WWOX: variants seen among roughly 807,000 people sequenced by gnomAD.
WWOX encodes the protein WW domain containing oxidoreductase.
WWOX carries 69 observed loss-of-function variants against 46.2 expected under a neutral mutation model. The ratio of observed to expected loss-of-function variants is 1.49; its 90% CI spans 1.23 to 1.82. The LOEUF is 1.82. Among genes scored for constraint, WWOX ranks in the 40% most tolerant of loss-of-function variants. WWOX has a pLI of 0.00. For synonymous variants in WWOX, 359 were observed against 202.6 expected, an observed-to-expected ratio of 1.77 and a Z score of -6.56; for missense variants, 919 against 542.6, an observed-to-expected ratio of 1.69 and a Z score of -6.89.
intron 5 of WWOX, among the ~76,000 whole-genome samples, chr16:78,238,393 G>A (rs1230420631): frequency 2.0e-5 from 3 of 150,758 alleles, no homozygotes; most frequent in Admixed American, 6.6e-5. Context: ...TCGACCTCCC[G>A]GGCTCAGGCG....
chr16:78,405,758 A>T (rs1009859580), intron 6 of WWOX, among the ~76,000 whole-genome samples: 2 of 152,118 alleles, frequency 1.3e-5, no homozygotes, highest in Admixed American at 6.5e-5. Context: ...ATTTTCTCTA[A>T]TTCTTGTGGC....
At chr16:78,566,773 T>G (rs1218628287) in intron 8 of WWOX, among the ~76,000 whole-genome samples, 1 of 152,164 alleles carries the variant, frequency 6.6e-6, no homozygotes, top group Admixed American at 6.5e-5. Context: ...AGATGTGCAA[T>G]AAACTGAGCA....
intron 8 of WWOX, among the ~76,000 whole-genome samples, chr16:78,664,034 T>A (rs1430077220): frequency 2.0e-5 from 3 of 152,098 alleles, no homozygotes; most frequent in East Asian, 3.9e-4. Context: ...ACAGGTGACA[T>A]AATTTGAATC....
intron 8 of WWOX, among the ~76,000 whole-genome samples, chr16:78,977,540 T>TC (rs1202346552): frequency 6.6e-6 from 1 of 152,150 alleles, no homozygotes; most frequent in Non-Finnish European, 1.5e-5. Context: ...TGTGTCCTTG[T>TC]CTGGGGGAGT....
intron 8 of WWOX, among the ~76,000 whole-genome samples, chr16:78,931,423 A>G (rs972687520): frequency 6.6e-6 from 1 of 152,262 alleles, no homozygotes; most frequent in Non-Finnish European, 1.5e-5. Context: ...AGTCCTCAGC[A>G]CATAAAAGTT....
At chr16:78,870,527 A>G (rs2044103931) in intron 8 of WWOX, among the ~76,000 whole-genome samples, 2 of 151,686 alleles carry the variant, frequency 1.3e-5, no homozygotes, top group African/African-American at 4.8e-5. Flanking sequence ...AAAAACCCTT[A>G]CTGATCTTTT....
chr16:78,706,057 G>GTTT (rs1567504407), intron 8 of WWOX, among the ~76,000 whole-genome samples: 1 of 32,218 alleles, frequency 3.1e-5, no homozygotes. Flanking sequence ...AGTTATGGCA[G>GTTT]GTTTTTTTTT....
At chr16:79,090,536 A>G (rs2048938842) in intron 8 of WWOX, among the ~76,000 whole-genome samples, 2 of 152,256 alleles carry the variant, frequency 1.3e-5, no homozygotes, top group East Asian at 1.9e-4. Flanking sequence ...GCAAGCAAGG[A>G]TAAGTGCTGT....
At chr16:78,825,571 C>T (rs969189550) in intron 8 of WWOX, 2 of 533,450 alleles carry the variant, frequency 3.7e-6, no homozygotes, top group Admixed American at 1.9e-5. Context: ...GTCTGTGTGC[C>T]ATTGCCCAGG....
chr16:78,563,904 C>G (rs1261474166), intron 8 of WWOX, among the ~76,000 whole-genome samples: 3 of 152,170 alleles, frequency 2.0e-5, no homozygotes, highest in African/African-American at 7.2e-5. Flanking sequence ...TGGCATGAAA[C>G]TTGATTTGAC....
intron 8 of WWOX, among the ~76,000 whole-genome samples, chr16:78,636,094 T>G (rs2046561547): frequency 6.6e-6 from 1 of 152,194 alleles, no homozygotes; most frequent in Non-Finnish European, 1.5e-5. Context: ...CTAGTAGTGA[T>G]TAAAATGCCT....
chr16:78,335,748 C>CT (rs2080875052), intron 5 of WWOX, among the ~76,000 whole-genome samples: 2 of 152,136 alleles, frequency 1.3e-5, no homozygotes, highest in Admixed American at 1.3e-4. Flanking sequence ...GACTCATGTT[C>CT]GTGTGGTTCT....
intron 5 of WWOX, among the ~76,000 whole-genome samples, chr16:78,358,286 G>A (rs1167647870): frequency 6.6e-6 from 1 of 152,142 alleles, no homozygotes; most frequent in Non-Finnish European, 1.5e-5. Context: ...CATACAAAAC[G>A]TATCTATTTG....
intron 8 of WWOX, among the ~76,000 whole-genome samples, chr16:78,949,455 C>G (rs926069872): frequency 6.6e-6 from 1 of 152,106 alleles, no homozygotes; most frequent in Non-Finnish European, 1.5e-5. Flanking sequence ...CCTGTTGTCC[C>G]CTCCCGTGAC....
chr16:79,073,756 G>A (rs1447713088), intron 8 of WWOX, among the ~76,000 whole-genome samples: 1 of 152,058 alleles, frequency 6.6e-6, no homozygotes, highest in Non-Finnish European at 1.5e-5. Context: ...TCGTATCTCA[G>A]GGCTTCCGTA....
chr16:79,157,809 A>T (rs1356172580), intron 8 of WWOX, among the ~76,000 whole-genome samples: 1 of 152,154 alleles, frequency 6.6e-6, no homozygotes, highest in Non-Finnish European at 1.5e-5. Context: ...GAGAGGGTCA[A>T]ACCGTGGGTT....
intron 5 of WWOX, among the ~76,000 whole-genome samples, chr16:78,292,462 C>T (rs372505524): frequency 5.3e-5 from 8 of 152,128 alleles, no homozygotes; most frequent in Non-Finnish European, 1.2e-4. Context: ...GGTAACAACA[C>T]AGCAATTTTA....
chr16:78,611,772 G>C (rs1189877704), intron 8 of WWOX, among the ~76,000 whole-genome samples: 1 of 152,138 alleles, frequency 6.6e-6, no homozygotes, highest in Non-Finnish European at 1.5e-5. Flanking sequence ...TCTCACTCCA[G>C]TATCAGCTTC....
chr16:78,855,558 A>C (rs1186090845), intron 8 of WWOX, among the ~76,000 whole-genome samples: 1 of 152,172 alleles, frequency 6.6e-6, no homozygotes, highest in Non-Finnish European at 1.5e-5. Context: ...TTCCCCAAGC[A>C]CTTTGATGAT....
Sources: allele counts gnomAD v4.1 joint callset (sites outside exome capture counted in the v4.1 genomes callset), GRCh38; gene constraint gnomAD v4.1.1; transcripts MANE v1.5; gene names NCBI Gene and HGNC (gene_info 2026-07-23, HGNC 2026-07-21).